The following EPB41 variants were observed in gnomAD, a reference collection of about 807,000 sequenced individuals.
The protein encoded by EPB41 is erythrocyte membrane protein band 4.1.
A neutral mutation model predicts 108.0 loss-of-function variants in EPB41; 65 were observed. The observed-to-expected ratio is 0.60, with a 90% confidence interval of 0.49 to 0.74. EPB41 has a LOEUF of 0.74. Ranked by LOEUF, EPB41 falls within the 30% of genes least tolerant of loss-of-function variation. The pLI is 0.00. For synonymous variants in EPB41, 336 were observed against 358.9 expected, an observed-to-expected ratio of 0.94 and a Z score of 0.72; for missense variants, 875 against 1,037.0, an observed-to-expected ratio of 0.84 and a Z score of 2.15.
intron 20 of EPB41, among the ~76,000 whole-genome samples, chr1:29,116,535 T>G (rs1419515677): frequency 6.6e-6 from 1 of 152,028 alleles, no homozygotes; most frequent in African/African-American, 2.4e-5. Context: ...TGTCTGGAGA[T>G]GGGTGGGCAT....
chr1:28,887,415 T>A lies in EPB41; in HGVS notation c.-8+205T>A, dbSNP rs2089541312. On this transcript the variant is annotated intron_variant, in intron 1 of 16. Transcript: ENST00000347529. The surrounding 1 kb of genome is among the most constrained non-coding windows in gnomAD (Gnocchi z 4.9). ...AGTCTGGGCATCTTAAAGTTCAGGG[T>A]GCAGGGAGGGGCGTGGGAGTCTGGA... The A allele has an allele frequency of 5.1e-6, 5 of 984,998 alleles. No homozygotes were observed. Among genetic ancestry groups the A allele is most frequent in the Non-Finnish European group, 4.8e-6 (4 of 829,862 alleles). 61.0% of individuals were successfully genotyped at this position (984,998 alleles called of 1,614,324 possible). A position where few individuals can be genotyped will look rare whatever the true frequency, so the allele number is the denominator to read the frequency against.
At chr1:29,086,989 G>A (rs1287475996) in intron 16 of EPB41, among the ~76,000 whole-genome samples, 1 of 125,674 alleles carries the variant, frequency 8.0e-6, no homozygotes, top group African/African-American at 3.0e-5. Flanking sequence ...CTGTCGCCCA[G>A]GCTGGGGTGC....
intron 12 of EPB41, among the ~76,000 whole-genome samples, chr1:29,057,387 A>AAAG (rs1301448089): frequency 6.6e-6 from 1 of 150,878 alleles, no homozygotes; most frequent in Non-Finnish European, 1.5e-5. Context: ...AAAAAAAAAA[A>AAAG]AAAAAAAAAG....
At chr1:28,981,033 A>C (rs1048593398) in intron 1 of EPB41, among the ~76,000 whole-genome samples, 1 of 152,142 alleles carries the variant, frequency 6.6e-6, no homozygotes, top group East Asian at 1.9e-4. Context: ...TCAGCCTCCC[A>C]AAGTGCTTGG....
At chr1:28,918,915 G>T (rs1258275198) in intron 1 of EPB41, among the ~76,000 whole-genome samples, 1 of 152,112 alleles carries the variant, frequency 6.6e-6, no homozygotes, top group African/African-American at 2.4e-5. Context: ...TTTAAGAGTG[G>T]GTTCATGGTG....
chr1:28,888,309 G>C (rs1270071506), intron 1 of EPB41, among the ~76,000 whole-genome samples: 2 of 152,222 alleles, frequency 1.3e-5, no homozygotes, highest in African/African-American at 2.4e-5. Flanking sequence ...GCTATTGAAG[G>C]GGAGCGGGAG....
intron 1 of EPB41, among the ~76,000 whole-genome samples, chr1:28,914,970 C>G (rs1235659595): frequency 1.3e-5 from 2 of 151,552 alleles, no homozygotes; most frequent in African/African-American, 4.8e-5. Flanking sequence ...GCCCGAGGAG[C>G]GAGGGGCGGG....
chr1:29,048,678 A>G (rs1360802725), intron 11 of EPB41, among the ~76,000 whole-genome samples: 1 of 152,226 alleles, frequency 6.6e-6, no homozygotes, highest in Non-Finnish European at 1.5e-5. Flanking sequence ...CAATTCTCCT[A>G]GGCCCATGCT....
At chr1:28,907,081 T>C (rs1165245675) in intron 1 of EPB41, among the ~76,000 whole-genome samples, 2 of 151,298 alleles carry the variant, frequency 1.3e-5, no homozygotes, top group Admixed American at 1.3e-4. Flanking sequence ...TTTTTTTTTT[T>C]TGAGATGGAG....
intron 16 of EPB41, among the ~76,000 whole-genome samples, chr1:29,095,246 T>G (rs1354930834): frequency 2.0e-5 from 3 of 152,182 alleles, no homozygotes; most frequent in African/African-American, 7.2e-5. Context: ...GTTGGAGGTG[T>G]TGTGTCATTC....
At chr1:29,095,578 C>T (rs1347733946) in intron 16 of EPB41, among the ~76,000 whole-genome samples, 2 of 152,090 alleles carry the variant, frequency 1.3e-5, no homozygotes, top group Non-Finnish European at 2.9e-5. Flanking sequence ...TGAGATCAAC[C>T]TGGACTACAT....
chr1:29,045,097 C>T (rs1383234188), intron 11 of EPB41, among the ~76,000 whole-genome samples: 2 of 152,090 alleles, frequency 1.3e-5, no homozygotes, highest in Non-Finnish European at 2.9e-5. Context: ...TTAGCGTTAT[C>T]TTATATATTG....
intron 18 of EPB41, chr1:29,109,791 T>C (rs888567227): frequency 2.8e-6 from 1 of 353,034 alleles, no homozygotes; most frequent in Admixed American, 3.8e-5. Context: ...CCCAGCACTT[T>C]GGGAGGCCAA....
At chr1:29,071,975 G>GT (rs537997103) in intron 16 of EPB41, 6 of 152,224 alleles carry the variant, frequency 3.9e-5, no homozygotes, top group Non-Finnish European at 5.9e-5. Flanking sequence ...AAAGAGAACA[G>GT]TAAAGACAAG....
intron 7 of EPB41, among the ~76,000 whole-genome samples, chr1:29,021,257 G>C (rs2096641098): frequency 6.6e-6 from 1 of 152,118 alleles, no homozygotes; most frequent in African/African-American, 2.4e-5. Context: ...ATAATGCTAA[G>C]ATGTTATTTG....
At chr1:29,015,838 AC>A in intron 6 of EPB41, 71 bp downstream of exon 6, 2 of 1,018,520 alleles carry the variant, frequency 2.0e-6, no homozygotes, top group South Asian at 2.7e-5. Flanking sequence ...AATTCTTACC[AC>A]CATAAGCTCT....
chr1:29,051,093 T>G (rs1426297898), intron 11 of EPB41, among the ~76,000 whole-genome samples: 2 of 73,762 alleles, frequency 2.7e-5, no homozygotes, highest in African/African-American at 1.3e-4. Flanking sequence ...TTTCTGTTTT[T>G]TTTTTTTTTT....
intron 1 of EPB41, among the ~76,000 whole-genome samples, chr1:28,936,414 T>A (rs1263890992): frequency 2.0e-5 from 3 of 148,286 alleles, no homozygotes; most frequent in Non-Finnish European, 4.5e-5. Flanking sequence ...CTAAAAAAAA[T>A]TGAGATATAA....
At chr1:28,931,826 G>A (rs1041616306) in intron 1 of EPB41, among the ~76,000 whole-genome samples, 1 of 152,040 alleles carries the variant, frequency 6.6e-6, no homozygotes, top group Non-Finnish European at 1.5e-5. Context: ...GAGCCACCGC[G>A]CCCGACCAAT....
Sources: gnomAD v4.1 joint callset for allele counts (sites outside exome capture counted in the v4.1 genomes callset) on GRCh38, gnomAD v4.1.1 for gene constraint, Gnocchi (gnomAD v3.1) non-coding constraint, MANE v1.5 for transcripts, NCBI Gene and HGNC (gene_info 2026-07-23, HGNC 2026-07-21) for gene names.